The following ANK2 variants were observed in gnomAD, a reference collection of about 807,000 sequenced individuals.
The protein encoded by ANK2 is ankyrin 2.
A neutral mutation model predicts 360.5 loss-of-function variants in ANK2; 83 were observed. The ratio of observed to expected loss-of-function variants is 0.23; its 90% CI spans 0.19 to 0.28. The LOEUF (loss-of-function observed/expected upper bound fraction) is 0.28. ANK2 is among the 10% of genes least tolerant of loss of function. ANK2 has a pLI of 1.00. For missense variants in ANK2, 4,201 were observed against 4,795.7 expected, an observed-to-expected ratio of 0.88 and a Z score of 3.66; for synonymous variants, 1,740 against 1,759.5, an observed-to-expected ratio of 0.99 and a Z score of 0.28.
chr4:113,093,319 A>T (rs1307389018), intron 1 of ANK2, among the ~76,000 whole-genome samples: 2 of 152,108 alleles, frequency 1.3e-5, no homozygotes, highest in African/African-American at 2.4e-5. Context: ...CAAATCCATT[A>T]TTTATATAAG....
Position 113,224,116 on chromosome 4 carries a change from C to T in ANK2, c.385-8045C>T, listed in dbSNP as rs55825558. ...TTTTAAACCTTAGCCTCAGAAATCA[C>T]GCACCATCAATTCTGCCATCATCAG... On this transcript the variant is annotated intron_variant, in intron 4 of 45. Coordinates refer to ENST00000357077, the MANE Select transcript of ANK2 (RefSeq NM_001148.6). Among the ~76,000 whole-genome samples, 10 of 152,062 alleles carry T rather than the reference C, an allele frequency of 6.6e-5. No homozygotes were observed. The South Asian group carries it at 1.9e-3, about 28-fold the overall frequency.
chr4:112,733,082 T>A, the ANK2 span, among the ~76,000 whole-genome samples: 2 of 152,102 alleles, frequency 1.3e-5, no homozygotes, highest in Non-Finnish European at 2.9e-5. Context: ...CCAGGTGTGG[T>A]GGCGGGCACC....
At chr4:113,160,436 A>G (rs1296693507) in intron 1 of ANK2, 3 of 285,972 alleles carry the variant, frequency 1.0e-5, no homozygotes, top group African/African-American at 4.6e-5. Context: ...AAGAGCAGAT[A>G]TAAATTTTGC....
chr4:113,002,077 GGTTA>G (rs1376281208), intron 2 of ANK2, among the ~76,000 whole-genome samples: 2 of 151,904 alleles, frequency 1.3e-5, no homozygotes, highest in African/African-American at 2.4e-5. Flanking sequence ...ACAATGTGCA[GGTTA>G]GTTACATATG....
At chr4:112,832,266 T>G (rs1422992349) in intron 1 of ANK2, among the ~76,000 whole-genome samples, 1 of 152,210 alleles carries the variant, frequency 6.6e-6, no homozygotes, top group Non-Finnish European at 1.5e-5. Context: ...TTAACCAGGC[T>G]GGGTTCTAAA....
chr4:112,890,598 G>A (rs576283062), intron 1 of ANK2, among the ~76,000 whole-genome samples: 42 of 91,596 alleles, frequency 4.6e-4, no homozygotes, highest in South Asian at 2.4e-3. Context: ...ACGGAGTTTC[G>A]CTCTTATTGC....
chr4:112,724,669 G>C, the ANK2 span, among the ~76,000 whole-genome samples: 1 of 151,850 alleles, frequency 6.6e-6, no homozygotes, highest in South Asian at 2.1e-4. Context: ...TGTTGGAAAG[G>C]ACATGGAGAA....
In ANK2 at chr4:113,353,678, C is replaced by A. The variant is rs900402464; in HGVS notation, c.5060C>A (p.Thr1687Lys). 6.2e-7 allele frequency: 1 copy of A among 1,613,934 alleles called. No individual in the cohort carries two copies. The highest frequency in any genetic ancestry group is 1.3e-5 in the African/African-American group (1 of 74,990). The change falls in exon 38 of 46, where the codon ACA (threonine) becomes AAA (lysine). Residue 1687 changes from threonine to lysine, a missense_variant. Transcript: ENST00000357077. ...GGGAAAGACATACCCCCAGATGAGA[C>A]ACAGAGTACACAGAAACAGCACAAA... ...KEGKDIPPDETQSTQKQHKPS... is the reference protein window; with the variant it reads ...KEGKDIPPDEKQSTQKQHKPS...
chr4:112,875,732 G>T (rs2074841138), intron 1 of ANK2, among the ~76,000 whole-genome samples: 1 of 151,060 alleles, frequency 6.6e-6, no homozygotes, highest in South Asian at 2.1e-4. Context: ...TGTGTGTGTG[G>T]TTTTTTGTTT....
At position 113,373,186 on chromosome 4, in the gene ANK2, A is replaced by G. The variant is rs2096801846; in HGVS notation, c.11694+13A>G. ...CGTGGTAAAGAAGGTATTGTCTAGTATATCCTAACAGGGTTGATTACAAAC... is the reference window on the plus strand; with the variant it reads ...CGTGGTAAAGAAGGTATTGTCTAGTGTATCCTAACAGGGTTGATTACAAAC... On this transcript the variant is annotated intron_variant, in intron 44 of 45. Coordinates refer to ENST00000357077, the MANE Select transcript of ANK2 (RefSeq NM_001148.6). 6 of 1,613,118 alleles carry G rather than the reference A, an allele frequency of 3.7e-6. No homozygotes were observed. In the African/African-American group the frequency reaches 6.7e-5, roughly 18 times the overall value.
intron 1 of ANK2, among the ~76,000 whole-genome samples, chr4:113,060,868 CT>C (rs2154334185): frequency 6.6e-6 from 1 of 152,138 alleles, no homozygotes; most frequent in Non-Finnish European, 1.5e-5. Context: ...GTATTTCCAT[CT>C]GCACTTCAAC....
chr4:112,974,564 A>G (rs1367934737), intron 2 of ANK2, among the ~76,000 whole-genome samples: 3 of 152,200 alleles, frequency 2.0e-5, no homozygotes, highest in African/African-American at 4.8e-5. Flanking sequence ...TGCTTCCTCC[A>G]TCTTCCCACT....
rs29323 is a variant in ANK2 at position 113,291,481 on chromosome 4, T to A, written c.2278-935T>A. Among the ~76,000 whole-genome samples the A allele has an allele frequency of 0.011, 1,692 of 152,352 alleles. 189 individuals are homozygous for A. The East Asian group carries it at 0.26, about 24-fold the overall frequency. On this transcript the variant is annotated intron_variant, in intron 20 of 45. Transcript: ENST00000357077. ...CTTAGAGACACTTAGGTAACCCTGA[T>A]ACATGTGGGCATGTTCCTATGGGCA...
At chr4:112,854,346 A>T (rs1000512081) in intron 1 of ANK2, among the ~76,000 whole-genome samples, 2 of 152,238 alleles carry the variant, frequency 1.3e-5, no homozygotes, top group Non-Finnish European at 2.9e-5. Flanking sequence ...TGGCATGTTT[A>T]AGGAACTTTA....
chr4:112,787,757 G>A, the ANK2 span, among the ~76,000 whole-genome samples: 2 of 152,306 alleles, frequency 1.3e-5, no homozygotes, highest in Non-Finnish European at 2.9e-5. Context: ...GGCACTTTCT[G>A]TGTGACCCTG....
At chr4:112,917,704 G>A (rs542820626) in intron 2 of ANK2, among the ~76,000 whole-genome samples, 1 of 152,336 alleles carries the variant, frequency 6.6e-6, no homozygotes, top group South Asian at 2.1e-4. Context: ...TAAGAAGAGA[G>A]CAGTCTCTTG....
rs768853806 is a variant in ANK2, at chr4:113,237,573, C to G, written c.670-26C>G. Reference sequence around the variant, plus strand: ...TTTTGCATTGTGTAATATCTTCCCTCTTTCTTCCAAACAACACTGCTTCAG... The same window carrying G: ...TTTTGCATTGTGTAATATCTTCCCTGTTTCTTCCAAACAACACTGCTTCAG... On this transcript the variant is annotated intron_variant, in intron 6 of 45. Coordinates refer to ENST00000357077, the MANE Select transcript of ANK2 (RefSeq NM_001148.6). The G allele has an allele frequency of 4.4e-6, 7 of 1,601,734 alleles. No homozygotes were observed. In the African/African-American group the frequency reaches 9.4e-5, roughly 21 times the overall value.
intron 2 of ANK2, among the ~76,000 whole-genome samples, chr4:112,958,019 T>TCA (rs1284266788): frequency 2.0e-5 from 3 of 150,652 alleles, no homozygotes; most frequent in Non-Finnish European, 4.4e-5. Context: ...GAGACGCTCC[T>TCA]CACTTCCTAG....
chr4:112,760,637 A>G, the ANK2 span, among the ~76,000 whole-genome samples: 1 of 151,082 alleles, frequency 6.6e-6, no homozygotes, highest in African/African-American at 2.4e-5. Context: ...GGTGTGCTGC[A>G]CCCATTAACT....
Sources: gnomAD v4.1 joint callset for allele counts (sites outside exome capture counted in the v4.1 genomes callset) on GRCh38, gnomAD v4.1.1 for gene constraint, MANE v1.5 for transcripts, NCBI Gene and HGNC (gene_info 2026-07-23, HGNC 2026-07-21) for gene names.